The following CCDC138 variants were observed in gnomAD, a reference collection of about 807,000 sequenced individuals.
CCDC138 encodes the protein coiled-coil domain containing 138, also known as coiled-coil domain-containing protein 138.
In CCDC138, 66 loss-of-function variants were observed where a neutral mutation model predicts 82.3. That is an observed-to-expected ratio of 0.80 (90% CI 0.66 to 0.98). The LOEUF is 0.98. CCDC138 is among the 50% of genes least tolerant of loss of function. The pLI is 0.00. For missense variants in CCDC138, 816 were observed against 758.9 expected (o/e 1.08, Z -0.88); for synonymous variants, 297 against 265.4 (o/e 1.12, Z -1.16).
intron 3 of CCDC138, 150 bp downstream of exon 3, chr2:108,789,116 C>T (rs569158291): frequency 1.7e-5 from 10 of 603,562 alleles, no homozygotes; most frequent in Non-Finnish European, 2.2e-5. Flanking sequence ...ATAGTTGAAG[C>T]GAGTCACTTA....
At chr2:108,885,412 TTTGTC>T (rs1365359359) in exon 3 of CCDC138, 10 of 152,244 alleles carry the variant, frequency 6.6e-5, no homozygotes, top group African/African-American at 2.4e-4. Flanking sequence ...TGATACTGTG[TTTGTC>T]TTATGAATAT....
At chr2:108,827,425 A>G (rs1213035580) in intron 10 of CCDC138, among the ~76,000 whole-genome samples, 1 of 152,256 alleles carries the variant, frequency 6.6e-6, no homozygotes, top group East Asian at 1.9e-4. Context: ...TAATGATATG[A>G]AAACTTAATT....
intron 13 of CCDC138, among the ~76,000 whole-genome samples, chr2:108,868,393 A>G (rs1380850524): frequency 2.0e-5 from 3 of 152,228 alleles, no homozygotes; most frequent in Non-Finnish European, 4.4e-5. Context: ...CTTATTAACT[A>G]TAAATTTATG....
intron 10 of CCDC138, among the ~76,000 whole-genome samples, chr2:108,834,540 T>C (rs1259637661): frequency 6.6e-6 from 1 of 152,206 alleles, no homozygotes; most frequent in Non-Finnish European, 1.5e-5. Flanking sequence ...ATACACTAAG[T>C]ATTGTCAAAT....
Position 108,876,150 on chromosome 2 carries a change from C to T in CCDC138, c.1895C>T (p.Thr632Ile). 6.2e-7 allele frequency: 1 copy of T among 1,611,258 alleles called. No individual in the cohort carries two copies. The highest frequency in any genetic ancestry group is 8.5e-7 in the Non-Finnish European group (1 of 1,177,608). The part of the protein sequence containing the change: ...IHLMLQEIQR[T>I]TNPEHAFLCI... ...CTGATGCTTCAAGAAATACAAAGGA[C>T]AACAAACCCAGAGCATGCATTTCTC... Residue 632 changes from threonine to isoleucine, a missense_variant, in exon 15 of 15, where the codon ACA becomes ATA. Transcript: ENST00000295124.
At chr2:108,838,303 A>T (rs1357489557) in intron 10 of CCDC138, among the ~76,000 whole-genome samples, 8 of 152,206 alleles carry the variant, frequency 5.3e-5, no homozygotes, top group African/African-American at 1.9e-4. Flanking sequence ...AGACGTCCAA[A>T]ACATCATAAT....
chr2:108,865,704 G>T (rs1283460121), intron 13 of CCDC138, among the ~76,000 whole-genome samples: 8 of 152,032 alleles, frequency 5.3e-5, no homozygotes, highest in Non-Finnish European at 1.2e-4. Context: ...ATTTCCTCAG[G>T]CAGTCCCCAT....
At chr2:108,792,965 G>A (rs1680162242) in intron 4 of CCDC138, among the ~76,000 whole-genome samples, 1 of 151,940 alleles carries the variant, frequency 6.6e-6, no homozygotes, top group African/African-American at 2.4e-5. Context: ...TCGGGAGGCT[G>A]AGGCAGGAGA....
rs147386919 is a variant in CCDC138, at chr2:108,865,305, G to A, written c.1694-8146G>A. Among the ~76,000 whole-genome samples the A allele has an allele frequency of 8.5e-4, 130 of 152,206 alleles. 2 individuals carry two copies. The highest frequency in any genetic ancestry group is 3.4e-3 in the Middle Eastern group (1 of 294). On this transcript the variant is annotated intron_variant, in intron 13 of 14. Coordinates refer to ENST00000295124, the MANE Select transcript of CCDC138 (RefSeq NM_144978.3). ...ATAAACAGTGCTTCTGTGAATAACC[G>A]TATACAAAACTTAAGTGTGTACATG...
At chr2:108,824,312 G>A (rs1206494124) in intron 10 of CCDC138, among the ~76,000 whole-genome samples, 1 of 151,862 alleles carries the variant, frequency 6.6e-6, no homozygotes, top group Non-Finnish European at 1.5e-5. Context: ...ACAAAAATAT[G>A]TATATTTTCT....
intron 5 of CCDC138, among the ~76,000 whole-genome samples, chr2:108,797,498 G>GCCAGAATC (rs1558974626): frequency 1.3e-5 from 2 of 152,176 alleles, no homozygotes; most frequent in South Asian, 4.1e-4. Context: ...TGAAATGAGA[G>GCCAGAATC]ACCTCAGCAA....
chr2:108,853,295 G>A (rs75574507), intron 12 of CCDC138, among the ~76,000 whole-genome samples: 2,675 of 152,190 alleles, frequency 0.018, 68 homozygotes, highest in African/African-American at 0.062. Flanking sequence ...AGCAAACTGA[G>A]GGTCAGTCTA....
At chr2:108,828,883 C>T (rs1687075438) in intron 10 of CCDC138, among the ~76,000 whole-genome samples, 1 of 152,028 alleles carries the variant, frequency 6.6e-6, no homozygotes, top group Non-Finnish European at 1.5e-5. Flanking sequence ...GATGCTGAGG[C>T]AGGAGAATTG....
intron 12 of CCDC138, among the ~76,000 whole-genome samples, chr2:108,851,792 C>A (rs1365079331): frequency 2.0e-5 from 3 of 152,134 alleles, no homozygotes; most frequent in Non-Finnish European, 2.9e-5. Flanking sequence ...GCCTAACACA[C>A]CCAACATCAT....
At chr2:108,821,634 T>G (rs1261833212) in intron 10 of CCDC138, among the ~76,000 whole-genome samples, 1 of 151,772 alleles carries the variant, frequency 6.6e-6, no homozygotes, top group Admixed American at 6.6e-5. Flanking sequence ...AGAAAAAAAT[T>G]AACAAAATGG....
In CCDC138 at chr2:108,786,784, A is replaced by G. The variant is rs1002898448; in HGVS notation, c.-39A>G. On this transcript the variant is annotated 5_prime_UTR_variant, in exon 1 of 15. Coordinates refer to ENST00000295124, the MANE Select transcript of CCDC138 (RefSeq NM_144978.3). ...CCGCGTAGCGCCGCGGGTTTGATGA[A>G]CGCGGTTCCCGGGGAGACTGGTACG... The G allele has an allele frequency of 6.5e-7, 1 of 1,541,690 alleles. No individual in the cohort carries two copies. Among genetic ancestry groups the G allele is most frequent in the African/African-American group, 1.4e-5 (1 of 73,144 alleles).
chr2:108,884,521 GAAT>G (rs1332928167), intron 2 of CCDC138: 2 of 152,332 alleles, frequency 1.3e-5, no homozygotes, highest in African/African-American at 4.8e-5. Context: ...CCGCTGAAGA[GAAT>G]AAGAGAAGAG....
intron 14 of CCDC138, among the ~76,000 whole-genome samples, chr2:108,874,445 T>C (rs1695722140): frequency 6.6e-6 from 1 of 152,196 alleles, no homozygotes; most frequent in Admixed American, 6.5e-5. Flanking sequence ...CTTGGTATGC[T>C]GTAGTGTTTC....
Position 108,788,953 on chromosome 2 carries a change from G to T in CCDC138, c.253G>T (p.Val85Leu), listed in dbSNP as rs773195278. Residue 85 changes from valine (V) to leucine (L), a missense_variant, in exon 3 of 15, where the codon GTA becomes TTA. Transcript: ENST00000295124. The part of the protein sequence containing the change: ...RTPLGSLFKH[V>L]NVNCLDDELD... ...ACCATTGGGCAGCTTATTCAAGCAC[G>T]TAAATGTGAATTGGTAAAGTACCCT... 1.2e-6 allele frequency: 2 copies of T among 1,613,834 alleles called. No homozygotes were observed. Among genetic ancestry groups the T allele is most frequent in the East Asian group, 4.5e-5 (2 of 44,842 alleles).
Sources: allele counts gnomAD v4.1 joint callset (sites outside exome capture counted in the v4.1 genomes callset), GRCh38; gene constraint gnomAD v4.1.1; transcripts MANE v1.5; gene names NCBI Gene and HGNC (gene_info 2026-07-23, HGNC 2026-07-21).